DMD: variants seen among roughly 807,000 people sequenced by gnomAD.
DMD encodes the protein mutant dystrophin.
DMD carries 63 observed loss-of-function variants against 330.1 expected under a neutral mutation model. The observed-to-expected ratio is 0.19, with a 90% confidence interval of 0.16 to 0.24. The LOEUF is 0.24. DMD is among the 10% of genes least tolerant of loss of function. The probability of loss-of-function intolerance (pLI) is 1.00; values close to 1 mark genes in which losing one functional copy is unlikely to be tolerated. For missense variants in DMD, 3,344 were observed against 2,684.1 expected (o/e 1.25, Z -5.43); for synonymous variants, 1,223 against 959.8 (o/e 1.27, Z -5.07).
intron 43 of DMD, among the ~76,000 whole-genome samples, chrX:32,281,997 TA>T (rs2097422551): frequency 8.9e-6 from 1 of 112,332 alleles, no homozygotes; most frequent in South Asian, 3.6e-4. Context: ...ATACTGATTT[TA>T]AAACATTACT....
At position 31,725,380 on chromosome X, in the gene DMD, C is replaced by G. The variant is rs559855589; in HGVS notation, c.7660+4251G>C. On this transcript the variant is annotated intron_variant, in intron 52 of 78. Coordinates refer to ENST00000357033, the MANE Select transcript of DMD (RefSeq NM_004006.3). Reference sequence around the variant, plus strand: ...CTCCTGTCGGTCTTTTAAATCTCTCCTTTTGGGGTGGTGGTGGGGGGCGAA... The same window carrying G: ...CTCCTGTCGGTCTTTTAAATCTCTCGTTTTGGGGTGGTGGTGGGGGGCGAA... 5.4e-5 allele frequency among the ~76,000 whole-genome samples: 6 copies of G among 111,279 alleles called. No individual in the cohort carries two copies. In the South Asian group the frequency reaches 2.3e-3, roughly 43 times the overall value.
chrX:32,785,589 T>A (rs1324718590), intron 7 of DMD, among the ~76,000 whole-genome samples: 1 of 111,652 alleles, frequency 9.0e-6, no homozygotes. Flanking sequence ...GCAAAGATAT[T>A]ATCATTTAAT....
intron 37 of DMD, among the ~76,000 whole-genome samples, chrX:32,362,217 T>C (rs1168312006): frequency 9.0e-6 from 1 of 111,622 alleles, no homozygotes; most frequent in African/African-American, 3.3e-5. Context: ...TATAGCCTAA[T>C]GAATTTTGTC....
At chrX:33,228,329 C>T (rs138612165) in intron 1 of DMD, among the ~76,000 whole-genome samples, 4,791 of 100,734 alleles carry the variant, frequency 0.048, 250 homozygotes, top group African/African-American at 0.17. Flanking sequence ...ATGCTTTTTC[C>T]ATCACAAATT....
intron 44 of DMD, among the ~76,000 whole-genome samples, chrX:32,040,630 C>A (rs760860798): frequency 9.0e-5 from 10 of 111,001 alleles, no homozygotes; most frequent in Non-Finnish European, 1.7e-4. Context: ...TGTAGGTTTC[C>A]GAAGAGGGGG....
intron 1 of DMD, among the ~76,000 whole-genome samples, chrX:33,164,263 A>G: frequency 8.9e-6 from 1 of 112,152 alleles, no homozygotes; most frequent in Non-Finnish European, 1.9e-5. Flanking sequence ...AACACTAGAA[A>G]TAAATATTTT....
intron 44 of DMD, among the ~76,000 whole-genome samples, chrX:32,205,039 A>ACACACC (rs2097060846): frequency 1.2e-5 from 1 of 86,558 alleles, no homozygotes; most frequent in African/African-American, 4.5e-5. Flanking sequence ...ACACACACAC[A>ACACACC]CACCCACACA....
intron 25 of DMD, among the ~76,000 whole-genome samples, chrX:32,458,083 TATC>T: frequency 9.0e-6 from 1 of 110,827 alleles, no homozygotes; most frequent in East Asian, 2.9e-4. Flanking sequence ...TATGTATTAA[TATC>T]ATCACATTTT....
At chrX:32,332,639 G>A (rs2097686643) in intron 41 of DMD, among the ~76,000 whole-genome samples, 1 of 110,697 alleles carries the variant, frequency 9.0e-6, no homozygotes, top group Non-Finnish European at 1.9e-5. Context: ...GCAGAGGAAA[G>A]TATTAAGAGA....
chrX:33,325,508 C>T (rs182254486), intron 1 of DMD, among the ~76,000 whole-genome samples: 36 of 112,348 alleles, frequency 3.2e-4, no homozygotes, highest in Non-Finnish European at 5.3e-4. Flanking sequence ...CTCTTTGCAG[C>T]CTCAAGGCAC....
At chrX:32,041,521 T>C (rs1208302464) in intron 44 of DMD, among the ~76,000 whole-genome samples, 2 of 112,258 alleles carry the variant, frequency 1.8e-5, no homozygotes, top group Non-Finnish European at 3.8e-5. Context: ...TATTGTCATC[T>C]AGTACTGTTG....
chrX:32,631,394 G>A (rs2058718685), intron 11 of DMD, among the ~76,000 whole-genome samples: 1 of 111,884 alleles, frequency 8.9e-6, no homozygotes, highest in South Asian at 3.7e-4. Flanking sequence ...CAAATCCAAT[G>A]AAGCTTGTGT....
chrX:31,170,117 A>G (rs2039842404), intron 73 of DMD, among the ~76,000 whole-genome samples: 1 of 111,604 alleles, frequency 9.0e-6, no homozygotes, highest in African/African-American at 3.3e-5. Context: ...TATATAAGTC[A>G]TTGAGGCAGA....
At chrX:32,589,894 A>G (rs59078430) in intron 13 of DMD, among the ~76,000 whole-genome samples, 20,074 of 110,850 alleles carry the variant, frequency 0.18, 4,597 homozygotes, top group African/African-American at 0.63. Flanking sequence ...CAGAATTTTC[A>G]GCACGTAAAT....
At chrX:32,064,053 A>T (rs1055528484) in intron 44 of DMD, among the ~76,000 whole-genome samples, 1 of 111,053 alleles carries the variant, frequency 9.0e-6, no homozygotes, top group Admixed American at 9.6e-5. Flanking sequence ...AAAAGTTTTG[A>T]CTCATTCGAT....
chrX:32,103,065 G>A (rs768415252), intron 44 of DMD, among the ~76,000 whole-genome samples: 20 of 111,619 alleles, frequency 1.8e-4, no homozygotes, highest in Non-Finnish European at 2.8e-4. Flanking sequence ...CACTCTTCTT[G>A]GTTAGCACTG....
chrX:31,610,071 C>T (rs1443992870), intron 55 of DMD, among the ~76,000 whole-genome samples: 1 of 110,021 alleles, frequency 9.1e-6, no homozygotes, highest in Non-Finnish European at 1.9e-5. Context: ...CCCATTCTCC[C>T]TCTGTCCTTC....
At chrX:32,076,086 A>AAG (rs1569540031) in intron 44 of DMD, among the ~76,000 whole-genome samples, 1,366 of 82,023 alleles carry the variant, frequency 0.017, 35 homozygotes, top group East Asian at 0.11. Context: ...AAAAAAAAAA[A>AAG]AGAGAGAGAG....
intron 62 of DMD, among the ~76,000 whole-genome samples, chrX:31,312,477 G>C (rs1219436471): frequency 8.9e-6 from 1 of 112,412 alleles, no homozygotes; most frequent in East Asian, 2.8e-4. Context: ...GCTAGGCTGT[G>C]GAGAAATGGG....
Sources: allele counts gnomAD v4.1 joint callset (sites outside exome capture counted in the v4.1 genomes callset), GRCh38; gene constraint gnomAD v4.1.1; transcripts MANE v1.5; gene names NCBI Gene and HGNC (gene_info 2026-07-23, HGNC 2026-07-21).